EXT1: variants seen among roughly 807,000 people sequenced by gnomAD.
EXT1 encodes exostosin glycosyltransferase 1, also known as exostosin-1.
Under a neutral mutation model 82.5 loss-of-function variants are expected in EXT1, and 20 were observed. That is an observed-to-expected ratio of 0.24 (90% CI 0.17 to 0.35). EXT1 has a LOEUF of 0.35. Ranked by LOEUF, EXT1 falls within the 10% of genes least tolerant of loss-of-function variation. The probability of loss-of-function intolerance (pLI) is 1.00; values close to 1 mark genes in which losing one functional copy is unlikely to be tolerated. For missense variants in EXT1, 757 were observed against 936.5 expected (o/e 0.81, Z 2.50); for synonymous variants, 348 against 350.8 (o/e 0.99, Z 0.09).
At chr8:118,082,369 T>A (rs1817348186) in intron 1 of EXT1, among the ~76,000 whole-genome samples, 2 of 152,170 alleles carry the variant, frequency 1.3e-5, no homozygotes, top group Non-Finnish European at 2.9e-5. Context: ...GTTCTTCACA[T>A]CTGAGAGGAA....
chr8:117,987,373 G>A lies in EXT1; in HGVS notation c.962+122712C>T, dbSNP rs17431166. On this transcript the variant is annotated intron_variant, in intron 1 of 10. Transcript: ENST00000378204. Reference sequence around the variant, plus strand: ...ACAGCCTCCCAAGATGCAGATCAATGGCAAGGGTTGGGGAGAACTGGCATT... The same window carrying A: ...ACAGCCTCCCAAGATGCAGATCAATAGCAAGGGTTGGGGAGAACTGGCATT... 3.1e-3 allele frequency among the ~76,000 whole-genome samples: 471 copies of A among 152,290 alleles called. 1 individual carries two copies. The highest frequency in any genetic ancestry group is 5.8e-3 in the Non-Finnish European group (393 of 68,026).
chr8:118,070,281 T>A (rs944569757), intron 1 of EXT1, among the ~76,000 whole-genome samples: 1 of 145,894 alleles, frequency 6.9e-6, no homozygotes, highest in Non-Finnish European at 1.5e-5. Flanking sequence ...TGTGTGCATA[T>A]CATAAGTGAA....
chr8:117,889,737 A>C (rs141743275), intron 1 of EXT1, among the ~76,000 whole-genome samples: 16 of 152,294 alleles, frequency 1.1e-4, no homozygotes, highest in Non-Finnish European at 1.6e-4. Flanking sequence ...AGTATCCAAA[A>C]ATTACTTTGC....
chr8:118,000,791 G>A lies in EXT1; in HGVS notation c.962+109294C>T, dbSNP rs187217998. The stretch of plus-strand genomic sequence containing the variant: ...AAATCATCACATCATGGATGTCAGA[G>A]TTAGATTATTATCTCCACGAGAGAA... On this transcript the variant is annotated intron_variant, in intron 1 of 10. Transcript: ENST00000378204. Among the ~76,000 whole-genome samples, 170 of 151,952 alleles carry A rather than the reference G, an allele frequency of 1.1e-3. 1 individual carries two copies. The highest frequency in any genetic ancestry group is 1.9e-3 in the Non-Finnish European group (129 of 68,024).
At chr8:118,006,011 G>A (rs1815768033) in intron 1 of EXT1, among the ~76,000 whole-genome samples, 1 of 152,164 alleles carries the variant, frequency 6.6e-6, no homozygotes, top group Non-Finnish European at 1.5e-5. Flanking sequence ...TAAGAATGCA[G>A]GTAAAATAAT....
At position 117,986,477 on chromosome 8, in the gene EXT1, G is replaced by A. The variant is rs554194626; in HGVS notation, c.962+123608C>T. 8.5e-5 allele frequency among the ~76,000 whole-genome samples: 13 copies of A among 152,216 alleles called. No homozygotes were observed. The East Asian group carries it at 1.4e-3, about 16-fold the overall frequency. ...CTCCCAAAGTGCTGGGATTACAGGC[G>A]TGAGCCACCGCACCTGGAATTTTAC... On this transcript the variant is annotated intron_variant, in intron 1 of 10. Coordinates refer to ENST00000378204, the MANE Select transcript of EXT1 (RefSeq NM_000127.3).
At chr8:118,059,504 G>C (rs6990802) in intron 1 of EXT1, among the ~76,000 whole-genome samples, 1 of 151,948 alleles carries the variant, frequency 6.6e-6, no homozygotes, top group African/African-American at 2.4e-5. Context: ...CCTAACAAGC[G>C]GCCCTGTTGA....
Position 118,050,377 on chromosome 8 carries a change from T to C in EXT1, c.962+59708A>G, listed in dbSNP as rs1370854467. On this transcript the variant is annotated intron_variant, in intron 1 of 10. Coordinates refer to ENST00000378204, the MANE Select transcript of EXT1 (RefSeq NM_000127.3). The stretch of plus-strand genomic sequence containing the variant: ...ACCCAAACCTTCTAAGGTGGAATAA[T>C]AATGTGTAATAGTTGCAGCTCTGAG... Among the ~76,000 whole-genome samples the C allele has an allele frequency of 2.0e-5, 3 of 152,216 alleles. No individual in the cohort carries two copies. In the East Asian group the frequency reaches 5.8e-4, roughly 29 times the overall value.
chr8:117,877,409 CTTG>C (rs1183903906), intron 1 of EXT1, among the ~76,000 whole-genome samples: 2 of 152,168 alleles, frequency 1.3e-5, no homozygotes, highest in African/African-American at 2.4e-5. Flanking sequence ...AACACTGAGA[CTTG>C]TTGTCTCCAC....
At chr8:117,976,645 G>T (rs1023183388) in intron 1 of EXT1, among the ~76,000 whole-genome samples, 1 of 152,216 alleles carries the variant, frequency 6.6e-6, no homozygotes, top group African/African-American at 2.4e-5. Context: ...AATGAACCTG[G>T]TGGTAATTAC....
In EXT1 at chr8:118,050,657, A is replaced by C. The variant is rs147305860; in HGVS notation, c.962+59428T>G. Among the ~76,000 whole-genome samples the C allele has an allele frequency of 8.9e-3, 1,349 of 152,284 alleles. 23 individuals carry two copies. The highest frequency in any genetic ancestry group is 0.031 in the African/African-American group (1,286 of 41,544). On this transcript the variant is annotated intron_variant, in intron 1 of 10. Coordinates refer to ENST00000378204, the MANE Select transcript of EXT1 (RefSeq NM_000127.3). ...TTGAGTGTGGCTGTATTCCAATAAA[A>C]CTTTATTTATGAACACTGACATTTG... is the stretch of plus-strand genomic sequence containing the variant.
chr8:118,079,661 A>G (rs17506065), intron 1 of EXT1, among the ~76,000 whole-genome samples: 2 of 64,536 alleles, frequency 3.1e-5, no homozygotes, highest in East Asian at 1.1e-3. Flanking sequence ...CACCGCCCCC[A>G]CCCCCACCCC....
chr8:117,995,503 A>G (rs1283098149), intron 1 of EXT1, among the ~76,000 whole-genome samples: 1 of 152,116 alleles, frequency 6.6e-6, no homozygotes, highest in Non-Finnish European at 1.5e-5. Flanking sequence ...CACACTGAAA[A>G]TGAAGGACGT....
chr8:117,894,012 T>C (rs1393289254), intron 1 of EXT1, among the ~76,000 whole-genome samples: 1 of 152,212 alleles, frequency 6.6e-6, no homozygotes, highest in Non-Finnish European at 1.5e-5. Context: ...TCCTTACTTC[T>C]GATGCTCCCT....
At chr8:117,933,149 C>A (rs1337777860) in intron 1 of EXT1, among the ~76,000 whole-genome samples, 7 of 151,974 alleles carry the variant, frequency 4.6e-5, no homozygotes, top group African/African-American at 1.7e-4. Context: ...GTCTTCTGGT[C>A]TTTTAGAACC....
intron 1 of EXT1, among the ~76,000 whole-genome samples, chr8:118,005,962 T>G (rs1815767159): frequency 6.6e-6 from 1 of 152,250 alleles, no homozygotes; most frequent in Admixed American, 6.5e-5. Flanking sequence ...AGGACAGCTC[T>G]AATACTATAA....
chr8:118,032,883 G>T (rs1038013331), intron 1 of EXT1, among the ~76,000 whole-genome samples: 1 of 151,988 alleles, frequency 6.6e-6, no homozygotes, highest in Non-Finnish European at 1.5e-5. Context: ...CAAGAATCAG[G>T]AATAAAATTT....
chr8:117,945,570 C>T (rs563390736), intron 1 of EXT1, among the ~76,000 whole-genome samples: 1 of 151,788 alleles, frequency 6.6e-6, no homozygotes, highest in Admixed American at 6.6e-5. Flanking sequence ...GGTGTGATCT[C>T]GGCTCACTGT....
intron 4 of EXT1, among the ~76,000 whole-genome samples, chr8:117,823,980 GA>G: frequency 6.6e-6 from 1 of 152,150 alleles, no homozygotes; most frequent in East Asian, 1.9e-4. Flanking sequence ...TCATAGTTGT[GA>G]AGGACTTTTT....
Sources: allele counts gnomAD v4.1 joint callset (sites outside exome capture counted in the v4.1 genomes callset), GRCh38; gene constraint gnomAD v4.1.1; transcripts MANE v1.5; gene names NCBI Gene and HGNC (gene_info 2026-07-23, HGNC 2026-07-21).